PRSS55: variants seen among roughly 807,000 people sequenced by gnomAD.
The protein encoded by PRSS55 is serine protease 55.
A neutral mutation model predicts 23.6 loss-of-function variants in PRSS55; 41 were observed. That is an observed-to-expected ratio of 1.74 (90% CI 1.35 to 2.26). The LOEUF (loss-of-function observed/expected upper bound fraction) is 2.26. Among genes scored for constraint, PRSS55 ranks in the 30% most tolerant of loss-of-function variants. The pLI is 0.00. For synonymous variants in PRSS55, 262 were observed against 175.5 expected, an observed-to-expected ratio of 1.49 and a Z score of -3.90; for missense variants, 669 against 439.1, an observed-to-expected ratio of 1.52 and a Z score of -4.68.
intron 4 of PRSS55, among the ~76,000 whole-genome samples, chr8:10,537,485 T>C (rs983598568): frequency 6.6e-6 from 1 of 152,122 alleles, no homozygotes; most frequent in Non-Finnish European, 1.5e-5. Flanking sequence ...GGACTCCAGT[T>C]AAGGAGCACG....
intron 3 of PRSS55, 150 bp from the exon 4 acceptor site, chr8:10,532,756 G>A: frequency 1.1e-6 from 1 of 906,868 alleles, no homozygotes; most frequent in Non-Finnish European, 1.6e-6. Context: ...GCAGGCATGG[G>A]GTAACCTGAA....
At chr8:10,546,444 T>TCA (rs1473543277) in intron 4 of PRSS55, among the ~76,000 whole-genome samples, 4 of 152,152 alleles carry the variant, frequency 2.6e-5, no homozygotes, top group African/African-American at 9.7e-5. Context: ...TTGATGCTCT[T>TCA]CACATCAATC....
chr8:10,534,072 C>T (rs768243119), intron 4 of PRSS55, among the ~76,000 whole-genome samples: 10 of 152,046 alleles, frequency 6.6e-5, no homozygotes, highest in Non-Finnish European at 1.3e-4. Flanking sequence ...ACCAAAAAGA[C>T]ACATGAACCT....
chr8:10,530,320 C>T (rs548000850), intron 2 of PRSS55, among the ~76,000 whole-genome samples: 2 of 152,214 alleles, frequency 1.3e-5, no homozygotes, highest in African/African-American at 4.8e-5. Flanking sequence ...ACTAAAAATA[C>T]AAAAATTAGC....
intron 4 of PRSS55, among the ~76,000 whole-genome samples, chr8:10,548,040 A>T (rs1050801080): frequency 6.6e-6 from 1 of 152,102 alleles, no homozygotes; most frequent in Non-Finnish European, 1.5e-5. Context: ...AGAGACCTGG[A>T]GGACAGGAGG....
At chr8:10,546,185 C>T (rs1585893990) in intron 4 of PRSS55, among the ~76,000 whole-genome samples, 2 of 152,268 alleles carry the variant, frequency 1.3e-5, no homozygotes, top group South Asian at 2.1e-4. Flanking sequence ...ACGTGAGCCT[C>T]TATGTCCCAG....
At chr8:10,531,921 C>A (rs1812281190) in intron 3 of PRSS55, among the ~76,000 whole-genome samples, 2 of 152,226 alleles carry the variant, frequency 1.3e-5, no homozygotes, top group African/African-American at 4.8e-5. Flanking sequence ...GGGCTAGGCT[C>A]TGACGGTCCT....
chr8:10,528,530 G>A (rs146723303), intron 1 of PRSS55, among the ~76,000 whole-genome samples: 11 of 152,340 alleles, frequency 7.2e-5, no homozygotes, highest in Admixed American at 3.9e-4. Context: ...GCCTCTGTCC[G>A]GAAGGGGCAT....
chr8:10,540,015 G>A (rs144335405), downstream of PRSS55, among the ~76,000 whole-genome samples: 229 of 152,202 alleles, frequency 1.5e-3, 1 homozygote, highest in African/African-American at 4.2e-3. Context: ...AGCTGATGGC[G>A]CTCCTCTCTT....
intron 1 of PRSS55, among the ~76,000 whole-genome samples, 161 bp downstream of exon 1, chr8:10,525,900 G>T (rs1211075493): frequency 6.6e-6 from 1 of 152,222 alleles, no homozygotes; most frequent in Non-Finnish European, 1.5e-5. Flanking sequence ...CTGGCCCAGT[G>T]TTTGACTTGT....
chr8:10,539,686 T>G (rs1812588150), downstream of PRSS55, among the ~76,000 whole-genome samples: 1 of 152,218 alleles, frequency 6.6e-6, no homozygotes. Context: ...ATAAGAGGTT[T>G]CCCTTTTCGC....
chr8:10,548,032 A>T (rs1812861358), intron 4 of PRSS55, among the ~76,000 whole-genome samples: 2 of 152,116 alleles, frequency 1.3e-5, no homozygotes, highest in African/African-American at 4.8e-5. Flanking sequence ...ATGAGAGCAG[A>T]GACCTGGAGG....
Position 10,531,546 on chromosome 8 carries a change from G to T in PRSS55, c.598+1G>T, listed in dbSNP as rs200209064. 3.7e-6 allele frequency: 6 copies of T among 1,612,964 alleles called. No individual in the cohort carries two copies. In the South Asian group the frequency reaches 4.4e-5, roughly 12 times the overall value. On this transcript the variant is annotated splice_donor_variant, in intron 3 of 4. Transcript: ENST00000328655. LOFTEE classifies it high-confidence loss of function. Reference sequence around the variant, plus strand: ...GCAGGTTGGGGCCAGACCAATGCTGGTATGTGACTGCTCAGCTTCCCCTGG... The same window carrying T: ...GCAGGTTGGGGCCAGACCAATGCTGTTATGTGACTGCTCAGCTTCCCCTGG...
At chr8:10,543,382 G>C (rs891774357), downstream of PRSS55, among the ~76,000 whole-genome samples, 2 of 150,720 alleles carry the variant, frequency 1.3e-5, no homozygotes, top group Non-Finnish European at 3.0e-5. Context: ...AGGCATGCCT[G>C]AACAACAGAT....
rs563616460 is a variant in PRSS55, at chr8:10,529,840, C to G, written c.347+141C>G. ...GCATGAATGGCTCCCACCCATCCAC[C>G]CACCCCCCAGCCTGTGGGGACGTGG... On this transcript the variant is annotated intron_variant, in intron 2 of 4. Transcript: ENST00000328655. The G allele has an allele frequency of 5.4e-5, 44 of 821,896 alleles. No homozygotes were observed. The East Asian group carries it at 1.1e-3, about 21-fold the overall frequency. The allele number at this position is 821,896 out of a possible 1,614,324, so 50.9% of individuals were successfully genotyped here. A position where few individuals can be genotyped will look rare whatever the true frequency, so the allele number is the denominator to read the frequency against.
chr8:10,529,382 C>G, intron 1 of PRSS55, 125 bp from the exon 2 acceptor site: 3 of 973,820 alleles, frequency 3.1e-6, no homozygotes, highest in Non-Finnish European at 4.9e-6. Context: ...TCAGTGAGCT[C>G]CTCTCTAGAA....
downstream of PRSS55, chr8:10,540,499 G>A (rs1812620344): frequency 6.6e-6 from 1 of 152,206 alleles, no homozygotes; most frequent in South Asian, 2.1e-4. Flanking sequence ...ATCACCTAAG[G>A]CCAGGAGTTC....
At chr8:10,528,525 T>C (rs1361554641) in intron 1 of PRSS55, among the ~76,000 whole-genome samples, 1 of 152,240 alleles carries the variant, frequency 6.6e-6, no homozygotes, top group Non-Finnish European at 1.5e-5. Context: ...ACCCGGCCTC[T>C]GTCCGGAAGG....
chr8:10,539,502 G>A (rs1812582296), downstream of PRSS55, among the ~76,000 whole-genome samples: 1 of 152,148 alleles, frequency 6.6e-6, no homozygotes, highest in Non-Finnish European at 1.5e-5. Flanking sequence ...TGTTTCCTGA[G>A]GACCCCACTG....
Sources: allele counts gnomAD v4.1 joint callset (sites outside exome capture counted in the v4.1 genomes callset), GRCh38; gene constraint gnomAD v4.1.1; transcripts MANE v1.5; gene names NCBI Gene and HGNC (gene_info 2026-07-23, HGNC 2026-07-21).